Variants in RPSA2 observed in about 807,000 individuals in gnomAD.
RPSA2 encodes ribosomal protein SA 2.
At chr19:23,800,016 GTTTTC>G in the RPSA2 span, among the ~76,000 whole-genome samples, 1 of 144,340 alleles carries the variant, frequency 6.9e-6, no homozygotes, top group African/African-American at 2.6e-5. Context: ...TAATGAAAGA[GTTTTC>G]TTTTTCTTTT....
chr19:23,847,712 T>C, the RPSA2 span, among the ~76,000 whole-genome samples: 2 of 152,178 alleles, frequency 1.3e-5, no homozygotes, highest in African/African-American at 4.8e-5. Flanking sequence ...TTCCCAATCC[T>C]AGTAAGCCTG....
chr19:23,860,697 C>G, the RPSA2 span, among the ~76,000 whole-genome samples: 1 of 152,120 alleles, frequency 6.6e-6, no homozygotes, highest in Non-Finnish European at 1.5e-5. Flanking sequence ...CTGAAACTCT[C>G]CCAATGTCAT....
At chr19:23,790,846 G>A in the RPSA2 span, 1 of 532,472 alleles carries the variant, frequency 1.9e-6, no homozygotes, top group South Asian at 2.6e-5. Context: ...AGCTGTGGTG[G>A]GACTCAGGCC....
the RPSA2 span, chr19:23,818,026 G>A: frequency 3.3e-5 from 5 of 152,330 alleles, no homozygotes; most frequent in South Asian, 2.1e-4. Flanking sequence ...TCTATGGGAG[G>A]AGAGGGGATA....
the RPSA2 span, among the ~76,000 whole-genome samples, chr19:23,817,085 C>G: frequency 6.6e-6 from 1 of 152,180 alleles, no homozygotes; most frequent in African/African-American, 2.4e-5. Flanking sequence ...TTGTTATTAA[C>G]ATTAAAAATT....
chr19:23,789,276 C>G, the RPSA2 span, among the ~76,000 whole-genome samples: 3 of 152,272 alleles, frequency 2.0e-5, no homozygotes, highest in South Asian at 6.2e-4. Flanking sequence ...GCTGAGATAA[C>G]TGGCATGAGC....
chr19:23,779,031 C>T, the RPSA2 span, among the ~76,000 whole-genome samples: 16 of 111,326 alleles, frequency 1.4e-4, no homozygotes, highest in Middle Eastern at 0.011. Flanking sequence ...GACGGAGTCT[C>T]GCTCTGTCGC....
chr19:23,786,008 C>T, the RPSA2 span, among the ~76,000 whole-genome samples: 7,305 of 152,210 alleles, frequency 0.048, 320 homozygotes, highest in South Asian at 0.079. Context: ...AGAATTGTCA[C>T]CATAATACAA....
chr19:23,799,986 G>C, the RPSA2 span, among the ~76,000 whole-genome samples: 25 of 150,164 alleles, frequency 1.7e-4, no homozygotes, highest in African/African-American at 5.9e-4. Flanking sequence ...TAATACATTT[G>C]ACATTCAGAT....
At chr19:23,774,647 AG>A in the RPSA2 span, among the ~76,000 whole-genome samples, 1 of 152,136 alleles carries the variant, frequency 6.6e-6, no homozygotes, top group Non-Finnish European at 1.5e-5. Context: ...CTTTTACACA[AG>A]GCTTCCCTCA....
At chr19:23,761,922 T>TCCTGCC in the RPSA2 span, among the ~76,000 whole-genome samples, 1 of 99,028 alleles carries the variant, frequency 1.0e-5, no homozygotes. Flanking sequence ...CTTTCTTTCT[T>TCCTGCC]TTTTTTTTTT....
the RPSA2 span, among the ~76,000 whole-genome samples, chr19:23,808,247 G>C: frequency 7.1e-3 from 1,045 of 147,662 alleles, 11 homozygotes; most frequent in African/African-American, 0.024. Flanking sequence ...GTACCAGGCA[G>C]TGAAATTAAG....
the RPSA2 span, among the ~76,000 whole-genome samples, chr19:23,854,979 C>T: frequency 6.6e-6 from 1 of 152,184 alleles, no homozygotes; most frequent in East Asian, 1.9e-4. Flanking sequence ...GCGTGCTCAT[C>T]AGAGACAGAT....
the RPSA2 span, among the ~76,000 whole-genome samples, chr19:23,783,688 C>T: frequency 1.3e-5 from 2 of 152,266 alleles, no homozygotes; most frequent in African/African-American, 4.8e-5. Context: ...TCTGCCTGAG[C>T]CCTTCCCACA....
At chr19:23,854,315 G>T in the RPSA2 span, among the ~76,000 whole-genome samples, 1 of 152,162 alleles carries the variant, frequency 6.6e-6, no homozygotes, top group African/African-American at 2.4e-5. Flanking sequence ...CAAAGAATTA[G>T]GTAGTAAATT....
the RPSA2 span, among the ~76,000 whole-genome samples, chr19:23,853,536 G>T: frequency 6.6e-6 from 1 of 152,322 alleles, no homozygotes; most frequent in Non-Finnish European, 1.5e-5. Flanking sequence ...AGGAGGCATG[G>T]CATTGGCTGC....
chr19:23,821,743 C>G, the RPSA2 span, among the ~76,000 whole-genome samples: 1 of 152,180 alleles, frequency 6.6e-6, no homozygotes, highest in Non-Finnish European at 1.5e-5. Context: ...ACACATTGAC[C>G]TCCCCTTAGC....
At chr19:23,863,697 A>T in the RPSA2 span, among the ~76,000 whole-genome samples, 1 of 152,186 alleles carries the variant, frequency 6.6e-6, no homozygotes, top group Admixed American at 6.5e-5. Flanking sequence ...GCCCCTAGCT[A>T]CTACAAAACT....
chr19:23,828,558 G>GT, the RPSA2 span, among the ~76,000 whole-genome samples: 4 of 92,352 alleles, frequency 4.3e-5, no homozygotes, highest in East Asian at 3.4e-4. Flanking sequence ...AAATTTTTCA[G>GT]TTTTTTTTTT....
Sources: allele counts gnomAD v4.1 joint callset (sites outside exome capture counted in the v4.1 genomes callset), GRCh38; gene constraint gnomAD v4.1.1; transcripts MANE v1.5; gene names NCBI Gene and HGNC (gene_info 2026-07-23, HGNC 2026-07-21).